ADAMTS6: variants seen among roughly 807,000 people sequenced by gnomAD.
The protein encoded by ADAMTS6 is A disintegrin and metalloproteinase with thrombospondin motifs 6.
ADAMTS6 carries 23 observed loss-of-function variants against 144.3 expected under a neutral mutation model. The ratio of observed to expected loss-of-function variants is 0.16; its 90% confidence interval spans 0.11 to 0.23. The LOEUF is 0.23. ADAMTS6 is among the 10% of genes least tolerant of loss of function. The pLI, the probability that ADAMTS6 is intolerant of heterozygous loss-of-function variation, is 1.00. For synonymous variants in ADAMTS6, 444 were observed against 457.5 expected, an observed-to-expected ratio of 0.97 and a Z score of 0.38; for missense variants, 999 against 1,379.6, an observed-to-expected ratio of 0.72 and a Z score of 4.37.
At chr5:65,479,753 G>T (rs1049181825) in intron 1 of ADAMTS6, among the ~76,000 whole-genome samples, 5 of 152,188 alleles carry the variant, frequency 3.3e-5, no homozygotes, top group African/African-American at 1.2e-4. Context: ...GTAGACAAGA[G>T]TAGGAATTAA....
chr5:65,300,140 A>G lies in ADAMTS6; in HGVS notation c.1224-9T>C, dbSNP rs751283161. ...CATGGTTCATACCAAAACTGTTTTA[A>G]TGAGGAAGAAACATAGAATAAATAA... is the stretch of plus-strand genomic sequence containing the variant. On this transcript the variant is annotated splice_polypyrimidine_tract_variant and intron_variant, in intron 9 of 24. Transcript: ENST00000381055. 4.3e-6 allele frequency: 7 copies of G among 1,610,142 alleles called. No homozygotes were observed. The East Asian group carries it at 1.6e-4, about 36-fold the overall frequency.
chr5:65,404,490 G>A (rs1042987903), intron 7 of ADAMTS6, among the ~76,000 whole-genome samples: 1 of 152,050 alleles, frequency 6.6e-6, no homozygotes, highest in African/African-American at 2.4e-5. Context: ...CTTTTTTATG[G>A]CTGCATAATA....
Position 65,301,849 on chromosome 5 carries a change from G to A in ADAMTS6, c.1224-1718C>T, listed in dbSNP as rs114361899. 5.4e-3 allele frequency among the ~76,000 whole-genome samples: 822 copies of A among 152,000 alleles called. 4 individuals carry two copies. Among genetic ancestry groups the A allele is most frequent in the Non-Finnish European group, 9.0e-3 (610 of 67,976 alleles). On this transcript the variant is annotated intron_variant, in intron 9 of 24. Transcript: ENST00000381055. ...CACACCTGTAATCCCAGCGCTTTGCGAGGCTGGGGCGGGAGGATCACCTGA... is the reference window on the plus strand; with the variant it reads ...CACACCTGTAATCCCAGCGCTTTGCAAGGCTGGGGCGGGAGGATCACCTGA...
intron 9 of ADAMTS6, among the ~76,000 whole-genome samples, chr5:65,319,658 CA>C (rs1398937079): frequency 1.1e-4 from 11 of 98,824 alleles, no homozygotes; most frequent in South Asian, 3.6e-4. Context: ...GTCTCAAAAA[CA>C]AAAAAAAAAG....
intron 11 of ADAMTS6, among the ~76,000 whole-genome samples, chr5:65,287,267 C>T (rs2112734967): frequency 6.6e-6 from 1 of 152,188 alleles, no homozygotes; most frequent in East Asian, 1.9e-4. Context: ...CCCCGACCAC[C>T]TCTCCCCCAA....
intron 9 of ADAMTS6, among the ~76,000 whole-genome samples, chr5:65,304,033 G>A (rs1459304589): frequency 1.3e-5 from 2 of 152,128 alleles, no homozygotes; most frequent in Non-Finnish European, 2.9e-5. Flanking sequence ...ATGAACTCAA[G>A]TACTGAAGGA....
At chr5:65,264,605 C>G (rs1024505047) in intron 12 of ADAMTS6, among the ~76,000 whole-genome samples, 1 of 152,052 alleles carries the variant, frequency 6.6e-6, no homozygotes, top group African/African-American at 2.4e-5. Context: ...TTAAATTGCC[C>G]TGTTTACTTA....
intron 7 of ADAMTS6, among the ~76,000 whole-genome samples, chr5:65,438,473 G>A (rs958987710): frequency 6.6e-6 from 1 of 152,178 alleles, no homozygotes; most frequent in African/African-American, 2.4e-5. Flanking sequence ...GGTGCAGTGA[G>A]CCAAGATCAC....
Position 65,473,727 on chromosome 5 carries a change from A to G in ADAMTS6, c.-54T>C. ...GGGCTACCTATGTGCTAAAGAGTCAATACCATACCAAAATCGAAGCATAAC... is the reference window on the plus strand; with the variant it reads ...GGGCTACCTATGTGCTAAAGAGTCAGTACCATACCAAAATCGAAGCATAAC... On this transcript the variant is annotated 5_prime_UTR_variant, in exon 2 of 25. Transcript: ENST00000381055. 7.8e-7 allele frequency: 1 copy of G among 1,275,152 alleles called. No homozygotes were observed. The highest frequency in any genetic ancestry group is 1.1e-6 in the Non-Finnish European group (1 of 886,188). 79.0% of individuals were successfully genotyped at this position (1,275,152 alleles called of 1,614,324 possible). A position where few individuals can be genotyped will look rare whatever the true frequency, so the allele number is the denominator to read the frequency against.
At chr5:65,217,058 C>T (rs1028831109) in intron 18 of ADAMTS6, among the ~76,000 whole-genome samples, 5 of 152,126 alleles carry the variant, frequency 3.3e-5, no homozygotes, top group Non-Finnish European at 7.3e-5. Flanking sequence ...TTGTCATCTC[C>T]CGACCCCCAT....
intron 3 of ADAMTS6, among the ~76,000 whole-genome samples, chr5:65,468,436 CAAAA>C (rs60362335): frequency 2.8e-5 from 2 of 70,360 alleles, no homozygotes; most frequent in African/African-American, 1.0e-4. Flanking sequence ...GACCCTGTCT[CAAAA>C]AAAAAAAAAA....
intron 7 of ADAMTS6, among the ~76,000 whole-genome samples, chr5:65,410,856 C>T (rs1407648335): frequency 6.6e-6 from 1 of 152,138 alleles, no homozygotes; most frequent in East Asian, 1.9e-4. Context: ...ACTTCCTTTT[C>T]TTTTAGGAAC....
chr5:65,365,325 G>A (rs138009226), intron 7 of ADAMTS6, among the ~76,000 whole-genome samples: 68 of 152,184 alleles, frequency 4.5e-4, no homozygotes, highest in African/African-American at 1.6e-3. Context: ...TTTTGCAAGT[G>A]GGCAAACTTA....
At chr5:65,160,536 C>A (rs1369149850) in intron 24 of ADAMTS6, among the ~76,000 whole-genome samples, 1 of 152,014 alleles carries the variant, frequency 6.6e-6, no homozygotes, top group African/African-American at 2.4e-5. Context: ...AATCTCCTGA[C>A]CTCGTGATCT....
chr5:65,262,367 G>A (rs542778302), intron 13 of ADAMTS6, among the ~76,000 whole-genome samples: 11 of 152,266 alleles, frequency 7.2e-5, no homozygotes, highest in South Asian at 6.2e-4. Flanking sequence ...TTTGTGATGC[G>A]AATCAAGGCA....
At chr5:65,391,208 C>T (rs6897512) in intron 7 of ADAMTS6, among the ~76,000 whole-genome samples, 15,379 of 152,042 alleles carry the variant, frequency 0.1, 842 homozygotes, top group Middle Eastern at 0.13. Context: ...GTATGAACCA[C>T]GAAGCCTGGC....
chr5:65,288,051 T>C lies in ADAMTS6; in HGVS notation c.1512+3278A>G, dbSNP rs207466104. On this transcript the variant is annotated intron_variant, in intron 11 of 24. Transcript: ENST00000381055. The stretch of plus-strand genomic sequence containing the variant: ...ACTTGAAAAATAAGAAAAGATGATA[T>C]GCAAGAATAATAGTGAAAAATGTTG... Among the ~76,000 whole-genome samples the C allele has an allele frequency of 3.9e-5, 6 of 152,138 alleles. No individual in the cohort carries two copies. In the South Asian group the frequency reaches 6.2e-4, roughly 16 times the overall value.
chr5:65,243,188 C>T (rs1759341129), intron 14 of ADAMTS6, among the ~76,000 whole-genome samples: 1 of 152,040 alleles, frequency 6.6e-6, no homozygotes, highest in African/African-American at 2.4e-5. Context: ...AAGAATATGT[C>T]ACTAGAGAAA....
chr5:65,406,050 A>C (rs550518810), intron 7 of ADAMTS6, among the ~76,000 whole-genome samples: 2 of 152,330 alleles, frequency 1.3e-5, no homozygotes, highest in Non-Finnish European at 2.9e-5. Context: ...TTTTGGGCTG[A>C]GACGATGGGG....
Sources: gnomAD v4.1 joint callset for allele counts (sites outside exome capture counted in the v4.1 genomes callset) on GRCh38, gnomAD v4.1.1 for gene constraint, MANE v1.5 for transcripts, NCBI Gene and HGNC (gene_info 2026-07-23, HGNC 2026-07-21) for gene names.